CWC27: variants seen among roughly 807,000 people sequenced by gnomAD.
The protein encoded by CWC27 is CWC27 spliceosome associated cyclophilin, also known as spliceosome-associated protein CWC27 homolog.
Under a neutral mutation model 63.6 loss-of-function variants are expected in CWC27, and 47 were observed. That is an observed-to-expected ratio of 0.74 (90% CI 0.58 to 0.94). CWC27 has a LOEUF of 0.94. Among genes scored for constraint, CWC27 ranks in the 40% least tolerant of loss-of-function variants. The pLI is 0.00. For synonymous variants in CWC27, 175 were observed against 179.8 expected (o/e 0.97, Z 0.22); for missense variants, 495 against 554.3 (o/e 0.89, Z 1.07).
intron 11 of CWC27, among the ~76,000 whole-genome samples, chr5:64,901,224 A>C (rs1330485939): frequency 6.6e-6 from 1 of 152,094 alleles, no homozygotes; most frequent in African/African-American, 2.4e-5. Flanking sequence ...TAAACATAGA[A>C]AAGGTACAGT....
intron 11 of CWC27, among the ~76,000 whole-genome samples, chr5:64,942,148 G>C (rs145593127): frequency 1.3e-5 from 2 of 151,848 alleles, no homozygotes; most frequent in African/African-American, 4.8e-5. Flanking sequence ...AATATTGCCT[G>C]GGTGCAATGG....
intron 10 of CWC27, among the ~76,000 whole-genome samples, chr5:64,826,783 A>T (rs943063899): frequency 1.3e-5 from 2 of 151,256 alleles, no homozygotes; most frequent in Non-Finnish European, 2.9e-5. Flanking sequence ...CCTGTATAAT[A>T]CTTAGAAATC....
intron 6 of CWC27, among the ~76,000 whole-genome samples, chr5:64,786,967 C>T (rs1259088351): frequency 6.6e-6 from 1 of 152,142 alleles, no homozygotes; most frequent in Non-Finnish European, 1.5e-5. Flanking sequence ...AAGCTTCAAT[C>T]GTGGAGGAAG....
intron 10 of CWC27, among the ~76,000 whole-genome samples, chr5:64,883,302 A>G (rs1267270471): frequency 8.7e-6 from 1 of 115,554 alleles, no homozygotes; most frequent in Non-Finnish European, 1.8e-5. Context: ...CAGCCATACC[A>G]TATCAGTATT....
At chr5:64,896,856 G>A (rs917320520) in intron 11 of CWC27, among the ~76,000 whole-genome samples, 1 of 152,090 alleles carries the variant, frequency 6.6e-6, no homozygotes, top group African/African-American at 2.4e-5. Flanking sequence ...AAAAAACTAC[G>A]TTTGTCAAAC....
At chr5:64,827,875 G>A (rs541493273) in intron 10 of CWC27, among the ~76,000 whole-genome samples, 59 of 152,220 alleles carry the variant, frequency 3.9e-4, no homozygotes, top group African/African-American at 1.4e-3. Flanking sequence ...TGAGTAGTGT[G>A]ATGAAATCTT....
Position 64,942,454 on chromosome 5 carries a change from A to AAG in CWC27, c.1043-29248_1043-29247insGA, listed in dbSNP as rs1554026057. Among the ~76,000 whole-genome samples, 567 of 151,084 alleles carry AAG rather than the reference A, an allele frequency of 3.8e-3. 5 individuals are homozygous for AAG. Among genetic ancestry groups the AAG allele is most frequent in the African/African-American group, 0.012 (506 of 41,094 alleles). ...CTATCTCTTTAAAAAAAAAAAAAAA[A>AAG]AAAAAAGATAAAAGAAAAACATTGC... On this transcript the variant is annotated intron_variant, in intron 11 of 13. Coordinates refer to ENST00000381070, the MANE Select transcript of CWC27 (RefSeq NM_005869.4).
At chr5:64,864,066 C>A (rs147325683) in intron 10 of CWC27, among the ~76,000 whole-genome samples, 1 of 152,248 alleles carries the variant, frequency 6.6e-6, no homozygotes, top group Admixed American at 6.5e-5. Flanking sequence ...GTAGAAAAGC[C>A]TGCATAATTC....
intron 11 of CWC27, among the ~76,000 whole-genome samples, chr5:64,950,558 C>A (rs1748683977): frequency 6.6e-6 from 1 of 151,884 alleles, no homozygotes; most frequent in Non-Finnish European, 1.5e-5. Flanking sequence ...ACCATTATAA[C>A]CATTTGAATT....
At chr5:64,980,171 C>T (rs1279130162) in intron 13 of CWC27, among the ~76,000 whole-genome samples, 1 of 152,164 alleles carries the variant, frequency 6.6e-6, no homozygotes, top group Non-Finnish European at 1.5e-5. Context: ...CAGATATACA[C>T]TGCCAATATT....
chr5:64,870,685 TA>T (rs936947626), intron 10 of CWC27, among the ~76,000 whole-genome samples: 3 of 152,072 alleles, frequency 2.0e-5, no homozygotes, highest in Non-Finnish European at 4.4e-5. Flanking sequence ...TCTTTTTTTC[TA>T]AACAGAAATA....
intron 10 of CWC27, among the ~76,000 whole-genome samples, chr5:64,810,811 G>GTAAAA (rs1319200817): frequency 6.6e-6 from 1 of 152,002 alleles, no homozygotes; most frequent in Non-Finnish European, 1.5e-5. Flanking sequence ...AAAAGTGGAT[G>GTAAAA]ATATTTTGTA....
At chr5:64,875,425 A>G (rs1219847434) in intron 10 of CWC27, among the ~76,000 whole-genome samples, 5 of 152,170 alleles carry the variant, frequency 3.3e-5, no homozygotes, top group Admixed American at 6.5e-5. Context: ...ATTAAATGTT[A>G]TCTTTTGATA....
intron 7 of CWC27, 63 bp downstream of exon 7, chr5:64,789,083 C>A: frequency 9.3e-7 from 1 of 1,074,906 alleles, no homozygotes; most frequent in Non-Finnish European, 1.4e-6. Flanking sequence ...ATCTTACTCA[C>A]TATTGTATCT....
intron 11 of CWC27, among the ~76,000 whole-genome samples, chr5:64,948,255 G>A (rs919612565): frequency 6.6e-6 from 1 of 151,846 alleles, no homozygotes; most frequent in African/African-American, 2.4e-5. Context: ...GGATGGCATC[G>A]ACTAGAAAAA....
At chr5:64,842,749 C>T (rs1302873792) in intron 10 of CWC27, among the ~76,000 whole-genome samples, 1 of 152,088 alleles carries the variant, frequency 6.6e-6, no homozygotes, top group Non-Finnish European at 1.5e-5. Context: ...TGCAGGTGCA[C>T]ACCACCATGC....
intron 13 of CWC27, among the ~76,000 whole-genome samples, chr5:65,013,761 G>A (rs976020628): frequency 1.8e-4 from 28 of 152,208 alleles, no homozygotes; most frequent in Non-Finnish European, 3.8e-4. Flanking sequence ...GTAGGGTTGG[G>A]TGATAAGTTC....
intron 11 of CWC27, among the ~76,000 whole-genome samples, chr5:64,934,513 T>G (rs1748305129): frequency 6.6e-6 from 1 of 152,226 alleles, no homozygotes; most frequent in South Asian, 2.1e-4. Flanking sequence ...TGATGAGCGT[T>G]TGGGTTGGTT....
intron 11 of CWC27, among the ~76,000 whole-genome samples, chr5:64,966,066 A>C (rs2112437666): frequency 6.6e-6 from 1 of 152,306 alleles, no homozygotes; most frequent in Non-Finnish European, 1.5e-5. Context: ...TAGCTTTTCA[A>C]TATAGGTTAA....
Sources: gnomAD v4.1 joint callset for allele counts (sites outside exome capture counted in the v4.1 genomes callset) on GRCh38, gnomAD v4.1.1 for gene constraint, MANE v1.5 for transcripts, NCBI Gene and HGNC (gene_info 2026-07-23, HGNC 2026-07-21) for gene names.